The following PPARGC1A variants were observed in gnomAD, a reference collection of about 807,000 sequenced individuals.
PPARGC1A encodes the protein PPARG coactivator 1 alpha.
In PPARGC1A, 25 loss-of-function variants were observed where a neutral mutation model predicts 88.7. The ratio of observed to expected loss-of-function variants is 0.28; its 90% CI spans 0.21 to 0.39. The LOEUF (loss-of-function observed/expected upper bound fraction) is 0.39. Among genes scored for constraint, PPARGC1A ranks in the 10% least tolerant of loss-of-function variants. The pLI is 1.00. For missense variants in PPARGC1A, 880 were observed against 968.7 expected (o/e 0.91, Z 1.22); for synonymous variants, 363 against 355.6 (o/e 1.02, Z -0.24).
At chr4:24,302,045 C>T in the PPARGC1A span, among the ~76,000 whole-genome samples, 1 of 152,118 alleles carries the variant, frequency 6.6e-6, no homozygotes. Flanking sequence ...CTTCGTTTCC[C>T]CCCAAGTTGT....
the PPARGC1A span, among the ~76,000 whole-genome samples, chr4:23,943,092 T>A: frequency 2.6e-5 from 4 of 152,170 alleles, no homozygotes; most frequent in African/African-American, 9.7e-5. Flanking sequence ...ATTTACGTAC[T>A]CAGTTCATAG....
At chr4:24,337,451 G>C in the PPARGC1A span, among the ~76,000 whole-genome samples, 39 of 152,202 alleles carry the variant, frequency 2.6e-4, no homozygotes, top group Non-Finnish European at 4.7e-4. Context: ...TGGTGGGACA[G>C]ACAGACATGA....
the PPARGC1A span, among the ~76,000 whole-genome samples, chr4:24,178,285 G>T: frequency 1.3e-5 from 2 of 152,168 alleles, no homozygotes; most frequent in African/African-American, 4.8e-5. Flanking sequence ...GTTAGAGGGA[G>T]ATAGAGGCTA....
At chr4:24,202,014 G>A in the PPARGC1A span, among the ~76,000 whole-genome samples, 4 of 151,554 alleles carry the variant, frequency 2.6e-5, no homozygotes, top group African/African-American at 9.7e-5. Context: ...CCATTCTCCT[G>A]CCTCAGCTTC....
the PPARGC1A span, among the ~76,000 whole-genome samples, chr4:23,966,457 A>G: frequency 9.9e-5 from 15 of 152,244 alleles, no homozygotes; most frequent in Non-Finnish European, 2.1e-4. Context: ...AGCAGCTACC[A>G]CATGGACAGG....
chr4:23,836,799 T>C (rs1186683439), intron 2 of PPARGC1A, among the ~76,000 whole-genome samples: 3 of 152,294 alleles, frequency 2.0e-5, no homozygotes, highest in African/African-American at 4.8e-5. Flanking sequence ...AAAAGGATCT[T>C]CCAACTGGTT....
At chr4:23,840,266 C>T (rs150883321) in intron 2 of PPARGC1A, among the ~76,000 whole-genome samples, 2 of 151,812 alleles carry the variant, frequency 1.3e-5, no homozygotes, top group Non-Finnish European at 2.9e-5. Context: ...AGGGATGAAC[C>T]CAGACTACAC....
At chr4:24,236,300 G>A in the PPARGC1A span, among the ~76,000 whole-genome samples, 1 of 152,258 alleles carries the variant, frequency 6.6e-6, no homozygotes, top group South Asian at 2.1e-4. Context: ...ACCTCTTCAT[G>A]TATTCTCTTG....
At chr4:24,106,136 C>A in the PPARGC1A span, among the ~76,000 whole-genome samples, 2 of 152,156 alleles carry the variant, frequency 1.3e-5, no homozygotes, top group African/African-American at 4.8e-5. Context: ...CTAGTTAGAT[C>A]CTGCCCAAGC....
At chr4:24,281,692 G>T in the PPARGC1A span, among the ~76,000 whole-genome samples, 2 of 152,118 alleles carry the variant, frequency 1.3e-5, no homozygotes, top group African/African-American at 4.8e-5. Context: ...GCCCTTTCTT[G>T]TCTTCCCCTA....
chr4:24,472,031 AGGTTGCGCTCGAGTTCCCT>A, the PPARGC1A span, among the ~76,000 whole-genome samples: 1 of 152,042 alleles, frequency 6.6e-6, no homozygotes, highest in East Asian at 2.0e-4. This position sits in a 1 kb window ranked among gnomAD's most constrained non-coding sequence, Gnocchi z 4.5. Context: ...GACTTGGGGA[AGGTTGCGCTCGAGTTCCCT>A]GGTTCTGCCT....
chr4:24,172,301 C>G, the PPARGC1A span, among the ~76,000 whole-genome samples: 1 of 152,200 alleles, frequency 6.6e-6, no homozygotes, highest in African/African-American at 2.4e-5. Flanking sequence ...GAACCTCCAC[C>G]CCACTCCATC....
At chr4:23,815,537 G>A (rs951839918) in intron 7 of PPARGC1A, among the ~76,000 whole-genome samples, 13 of 152,092 alleles carry the variant, frequency 8.5e-5, no homozygotes, top group African/African-American at 2.9e-4. Flanking sequence ...ACAGCCATCA[G>A]CTGTTGCTCT....
At chr4:23,953,597 C>G in the PPARGC1A span, among the ~76,000 whole-genome samples, 1 of 151,910 alleles carries the variant, frequency 6.6e-6, no homozygotes, top group Non-Finnish European at 1.5e-5. Context: ...GGGAAGTAGC[C>G]AGGGTCTCAT....
chr4:23,931,003 G>C, the PPARGC1A span, among the ~76,000 whole-genome samples: 1 of 152,212 alleles, frequency 6.6e-6, no homozygotes, highest in Admixed American at 6.5e-5. Flanking sequence ...CCGCCGCGTG[G>C]AGTGTCCGGT....
the PPARGC1A span, among the ~76,000 whole-genome samples, chr4:24,424,418 G>A: frequency 6.6e-6 from 1 of 151,730 alleles, no homozygotes; most frequent in Non-Finnish European, 1.5e-5. Context: ...TGGGACTACA[G>A]GCGCCCGCCA....
At chr4:23,996,066 T>C in the PPARGC1A span, among the ~76,000 whole-genome samples, 1 of 152,168 alleles carries the variant, frequency 6.6e-6, no homozygotes, top group African/African-American at 2.4e-5. Context: ...CTTCAGGGGA[T>C]AGTAGTGAAA....
chr4:23,824,639 G>T, intron 5 of PPARGC1A, 131 bp from the exon 6 acceptor site: 2 of 809,098 alleles, frequency 2.5e-6, no homozygotes, highest in Non-Finnish European at 3.9e-6. Flanking sequence ...TCTGAATATT[G>T]AATCAAAGTC....
chr4:24,434,987 G>GA, the PPARGC1A span, among the ~76,000 whole-genome samples: 2 of 152,150 alleles, frequency 1.3e-5, no homozygotes, highest in African/African-American at 4.8e-5. Flanking sequence ...GTTATTTCTG[G>GA]AAAAATAACT....
Sources: gnomAD v4.1 joint callset for allele counts (sites outside exome capture counted in the v4.1 genomes callset) on GRCh38, gnomAD v4.1.1 for gene constraint, Gnocchi (gnomAD v3.1) non-coding constraint, MANE v1.5 for transcripts, NCBI Gene and HGNC (gene_info 2026-07-23, HGNC 2026-07-21) for gene names.